The following SP4 variants were observed in gnomAD, a reference collection of about 807,000 sequenced individuals.
SP4 encodes Sp4 transcription factor.
In SP4, 19 loss-of-function variants were observed where a neutral mutation model predicts 72.8. That is an observed-to-expected ratio of 0.26 (90% CI 0.18 to 0.38). SP4 has a LOEUF of 0.38. Among genes scored for constraint, SP4 ranks in the 10% least tolerant of loss-of-function variants. The pLI is 1.00. For synonymous variants in SP4, 395 were observed against 333.1 expected, an observed-to-expected ratio of 1.19 and a Z score of -2.02; for missense variants, 1,008 against 926.3, an observed-to-expected ratio of 1.09 and a Z score of -1.14.
chr7:21,437,135 A>G (rs987903499), intron 3 of SP4, among the ~76,000 whole-genome samples: 1 of 150,714 alleles, frequency 6.6e-6, no homozygotes, highest in African/African-American at 2.4e-5. Flanking sequence ...GGCATGAATA[A>G]CACCTCAATT....
chr7:21,502,051 C>CCCCG (rs1554301442), intron 5 of SP4, among the ~76,000 whole-genome samples: 57 of 81,944 alleles, frequency 7.0e-4, no homozygotes, highest in African/African-American at 2.5e-3. Context: ...CCCCCCCCCC[C>CCCCG]CCGGAACTCC....
chr7:21,474,073 T>A (rs1784423225), intron 3 of SP4, among the ~76,000 whole-genome samples: 1 of 152,160 alleles, frequency 6.6e-6, no homozygotes, highest in Admixed American at 6.5e-5. Context: ...GTTTAGGCAT[T>A]GAACAAAGAA....
At chr7:21,435,729 G>A (rs1783030175) in intron 3 of SP4, among the ~76,000 whole-genome samples, 1 of 151,962 alleles carries the variant, frequency 6.6e-6, no homozygotes, top group Non-Finnish European at 1.5e-5. Flanking sequence ...CTTAAATCTT[G>A]TATTCAATAC....
chr7:21,493,977 AT>A (rs1785042352), intron 5 of SP4, among the ~76,000 whole-genome samples: 1 of 152,184 alleles, frequency 6.6e-6, no homozygotes, highest in Non-Finnish European at 1.5e-5. Context: ...TATTCCAAGA[AT>A]GAAAAGCTGT....
In SP4 at chr7:21,469,198, A is replaced by G. The variant is rs549981900; in HGVS notation, c.1679-7881A>G. The stretch of plus-strand genomic sequence containing the variant: ...ACTATTAAAATAATTTGTAATATTA[A>G]TAACTTAGAAGTACTTATATTACTA... On this transcript the variant is annotated intron_variant, in intron 3 of 5. Coordinates refer to ENST00000222584, the MANE Select transcript of SP4 (RefSeq NM_003112.5). Among the ~76,000 whole-genome samples, 9 of 152,188 alleles carry G rather than the reference A, an allele frequency of 5.9e-5. No homozygotes were observed. In the East Asian group the frequency reaches 1.7e-3, roughly 29 times the overall value.
intron 5 of SP4, among the ~76,000 whole-genome samples, chr7:21,498,823 C>A (rs769095142): frequency 1.3e-5 from 2 of 152,126 alleles, no homozygotes; most frequent in Non-Finnish European, 2.9e-5. Flanking sequence ...CGGTGGCTCA[C>A]GCCTGTAATC....
Position 21,508,812 on chromosome 7 carries a change from T to TG in SP4, c.2108-2210_2108-2209insG, listed in dbSNP as rs1404132042. On this transcript the variant is annotated intron_variant, in intron 5 of 5. Coordinates refer to ENST00000222584, the MANE Select transcript of SP4 (RefSeq NM_003112.5). ...GTCAGGGCCTTGTCTACACACTTTT[T>TG]TTTTTTTTTTTTTTTTTTGAGACAA... is the stretch of plus-strand genomic sequence containing the variant. Among the ~76,000 whole-genome samples the TG allele has an allele frequency of 3.4e-5, 5 of 146,222 alleles. No individual in the cohort carries two copies. The East Asian group carries it at 9.9e-4, about 29-fold the overall frequency.
At chr7:21,479,717 G>T (rs1455092791) in intron 4 of SP4, among the ~76,000 whole-genome samples, 1 of 152,158 alleles carries the variant, frequency 6.6e-6, no homozygotes, top group Non-Finnish European at 1.5e-5. Flanking sequence ...ATCACTTTGG[G>T]GACGGTTGCC....
chr7:21,449,822 G>A (rs550871717), intron 3 of SP4, among the ~76,000 whole-genome samples: 9 of 152,158 alleles, frequency 5.9e-5, no homozygotes, highest in Middle Eastern at 3.4e-3. Context: ...ACATTCAAAT[G>A]TAAGCATTTT....
chr7:21,433,838 G>A (rs181944743), intron 3 of SP4, among the ~76,000 whole-genome samples: 5 of 152,258 alleles, frequency 3.3e-5, no homozygotes, highest in Non-Finnish European at 5.9e-5. Flanking sequence ...TACTCAGGAG[G>A]CTGAGGCAGG....
At chr7:21,490,482 C>T (rs1784946425) in intron 5 of SP4, among the ~76,000 whole-genome samples, 1 of 152,166 alleles carries the variant, frequency 6.6e-6, no homozygotes, top group Admixed American at 6.5e-5. Context: ...GGTAAATCAA[C>T]ATCATTTTTC....
At chr7:21,496,411 A>G (rs940909332) in intron 5 of SP4, among the ~76,000 whole-genome samples, 1 of 152,304 alleles carries the variant, frequency 6.6e-6, no homozygotes, top group Non-Finnish European at 1.5e-5. Flanking sequence ...CACTTCTGTT[A>G]ACTCTGCCAA....
intron 3 of SP4, among the ~76,000 whole-genome samples, chr7:21,464,116 C>T (rs1476203622): frequency 4.0e-5 from 6 of 148,796 alleles, no homozygotes; most frequent in East Asian, 2.0e-4. Context: ...CTTGTCAGGG[C>T]GCTCTCTTTT....
chr7:21,499,079 CAAAAA>C (rs34565680), intron 5 of SP4, among the ~76,000 whole-genome samples: 2 of 99,586 alleles, frequency 2.0e-5, no homozygotes, highest in Admixed American at 1.0e-4. Context: ...GACTCTGTCT[CAAAAA>C]AAAAAAAAAA....
rs889974459 is a variant in SP4 at position 21,511,445 on chromosome 7, A to G, written c.*176A>G. 1 of 612,082 alleles carries G rather than the reference A, an allele frequency of 1.6e-6. No individual in the cohort carries two copies. Among genetic ancestry groups the G allele is most frequent in the African/African-American group, 1.8e-5 (1 of 54,288 alleles). The allele number at this position is 612,082 out of a possible 1,614,324, so 37.9% of individuals were successfully genotyped here. A position where few individuals can be genotyped will look rare whatever the true frequency, so the allele number is the denominator to read the frequency against. The stretch of plus-strand genomic sequence containing the variant: ...GAAGTGTTGAATTTTAAAAAATACA[A>G]AAAGCAGACTGATGTACTGGAAACA... On this transcript the variant is annotated 3_prime_UTR_variant, in exon 6 of 6. Coordinates refer to ENST00000222584, the MANE Select transcript of SP4 (RefSeq NM_003112.5).
Position 21,514,800 on chromosome 7 carries a change from A to G in SP4, c.*3531A>G, listed in dbSNP as rs1464187144. ...ATTATGTATACTATAAAGCAGCAAT[A>G]AATTATTTGAACTATCAACCTACTT... is the stretch of plus-strand genomic sequence containing the variant. On this transcript the variant is annotated 3_prime_UTR_variant, in exon 6 of 6. Coordinates refer to ENST00000222584, the MANE Select transcript of SP4 (RefSeq NM_003112.5). The G allele has an allele frequency of 6.6e-6, 1 of 152,194 alleles. No homozygotes were observed. Among genetic ancestry groups the G allele is most frequent in the Non-Finnish European group, 1.5e-5 (1 of 68,038 alleles). 9.4% of individuals were successfully genotyped at this position (152,194 alleles called of 1,614,324 possible).
At chr7:21,457,559 T>G (rs1583402996) in intron 3 of SP4, among the ~76,000 whole-genome samples, 1 of 152,236 alleles carries the variant, frequency 6.6e-6, no homozygotes, top group Non-Finnish European at 1.5e-5. Flanking sequence ...TAAGAACAAT[T>G]GCATGTTCCT....
chr7:21,484,594 T>C (rs1784765961), intron 5 of SP4, among the ~76,000 whole-genome samples: 1 of 151,910 alleles, frequency 6.6e-6, no homozygotes. Context: ...TTGGCAAATA[T>C]GATTGATTAA....
At chr7:21,496,195 A>G (rs1037489908) in intron 5 of SP4, among the ~76,000 whole-genome samples, 1 of 152,206 alleles carries the variant, frequency 6.6e-6, no homozygotes, top group African/African-American at 2.4e-5. Flanking sequence ...ATGTGACTGA[A>G]TGCATTTGTC....
Sources: allele counts gnomAD v4.1 joint callset (sites outside exome capture counted in the v4.1 genomes callset), GRCh38; gene constraint gnomAD v4.1.1; transcripts MANE v1.5; gene names NCBI Gene and HGNC (gene_info 2026-07-23, HGNC 2026-07-21).